The following DGKI variants were observed in gnomAD, a reference collection of about 807,000 sequenced individuals.
The protein encoded by DGKI is diacylglycerol kinase iota, also known as DAG kinase iota.
In DGKI, 55 loss-of-function variants were observed where a neutral mutation model predicts 147.5. That is an observed-to-expected ratio of 0.37 (90% CI 0.30 to 0.47). DGKI has a LOEUF of 0.47. Among genes scored for constraint, DGKI ranks in the 20% least tolerant of loss-of-function variants. The probability of loss-of-function intolerance (pLI) is 1.00; values close to 1 mark genes in which losing one functional copy is unlikely to be tolerated. For missense variants in DGKI, 1,007 were observed against 1,323.8 expected, an observed-to-expected ratio of 0.76 and a Z score of 3.71; for synonymous variants, 469 against 477.1, an observed-to-expected ratio of 0.98 and a Z score of 0.22.
chr7:137,472,249 C>CATATAATATATGTATATAT (rs1814954292), intron 23 of DGKI, among the ~76,000 whole-genome samples: 3 of 98,922 alleles, frequency 3.0e-5, no homozygotes, highest in African/African-American at 4.4e-5. Flanking sequence ...TGTATATATA[C>CATATAATATATGTATATAT]ACATAATATT....
chr7:137,701,792 T>G (rs1447186947), intron 1 of DGKI, among the ~76,000 whole-genome samples: 5 of 152,032 alleles, frequency 3.3e-5, no homozygotes, highest in Non-Finnish European at 5.9e-5. Flanking sequence ...CAACACAATC[T>G]CTATCCAAAT....
At chr7:137,603,096 G>A (rs957724003) in intron 10 of DGKI, among the ~76,000 whole-genome samples, 2 of 152,154 alleles carry the variant, frequency 1.3e-5, no homozygotes, top group Admixed American at 6.5e-5. Flanking sequence ...GATTGAACAA[G>A]ATTCATTCAT....
rs769401226 is a variant in DGKI at position 137,552,566 on chromosome 7, T to G, written c.1950A>C (p.Ala650=). 6.2e-7 allele frequency: 1 copy of G among 1,613,888 alleles called. No individual in the cohort carries two copies. The highest frequency in any genetic ancestry group is 2.2e-5 in the East Asian group (1 of 44,866). The change falls in exon 20 of 33, where the codon GCA becomes GCC. Residue 650 remains alanine (A), a splice_region_variant and synonymous_variant. Transcript: ENST00000614521. The part of the protein sequence containing the change: ...EVIGFTMASL[A]ALQVGGHGER... ...CTCCATGGCCCCCAACTTGCAGGGC[T>G]GCCTATAAAAACAAGAGTCAAAGGG...
intron 23 of DGKI, among the ~76,000 whole-genome samples, chr7:137,483,008 G>T (rs1352358077): frequency 6.6e-6 from 1 of 152,048 alleles, no homozygotes; most frequent in African/African-American, 2.4e-5. Context: ...TTGACACCAA[G>T]ATTTGACTTG....
chr7:137,768,170 A>G (rs540447664), intron 1 of DGKI, among the ~76,000 whole-genome samples: 1 of 152,352 alleles, frequency 6.6e-6, no homozygotes, highest in Admixed American at 6.5e-5. Context: ...AGATGATGGT[A>G]TTAGGTCGGT....
intron 27 of DGKI, among the ~76,000 whole-genome samples, chr7:137,457,713 G>A (rs1032784075): frequency 6.6e-6 from 1 of 152,112 alleles, no homozygotes; most frequent in African/African-American, 2.4e-5. Context: ...CATAGCATAT[G>A]GAGAGGTTGA....
chr7:137,438,131 C>A (rs1379437007), intron 28 of DGKI, among the ~76,000 whole-genome samples: 1 of 151,914 alleles, frequency 6.6e-6, no homozygotes, highest in Non-Finnish European at 1.5e-5. Flanking sequence ...AAAAAGAGCT[C>A]GAACAGATAA....
At chr7:137,433,834 G>A (rs910893029) in intron 28 of DGKI, among the ~76,000 whole-genome samples, 2 of 152,164 alleles carry the variant, frequency 1.3e-5, no homozygotes, top group Non-Finnish European at 2.9e-5. Context: ...AAGTAAACTA[G>A]GGGCCGGGCG....
At chr7:137,492,033 T>C (rs370074202) in intron 21 of DGKI, among the ~76,000 whole-genome samples, 1 of 152,168 alleles carries the variant, frequency 6.6e-6, no homozygotes, top group Admixed American at 6.5e-5. Flanking sequence ...ATGGGACATA[T>C]CTAGGACATC....
intron 1 of DGKI, among the ~76,000 whole-genome samples, chr7:137,825,697 T>C (rs768754894): frequency 2.3e-4 from 35 of 150,714 alleles, no homozygotes; most frequent in Admixed American, 2.2e-3. Context: ...CACACACACA[T>C]ACACATACAC....
chr7:137,601,225 A>T (rs1385376292), intron 10 of DGKI, among the ~76,000 whole-genome samples: 1 of 152,020 alleles, frequency 6.6e-6, no homozygotes, highest in Non-Finnish European at 1.5e-5. Context: ...GAGCCGAAAT[A>T]GCGCCACTAC....
chr7:137,493,772 A>G, intron 21 of DGKI: 1 of 702,056 alleles, frequency 1.4e-6, no homozygotes, highest in South Asian at 1.5e-5. Context: ...AAAGCCAGAG[A>G]GTCTTCTTAC....
At chr7:137,405,619 C>A (rs936099415) in intron 30 of DGKI, among the ~76,000 whole-genome samples, 12 of 152,198 alleles carry the variant, frequency 7.9e-5, no homozygotes, top group Admixed American at 6.5e-4. Flanking sequence ...GTTTCCCAAC[C>A]TTTTAAATCT....
In DGKI at chr7:137,446,340, C is replaced by T. The variant is rs922247361; in HGVS notation, c.2736-2238G>A. Among the ~76,000 whole-genome samples, 18 of 152,344 alleles carry T rather than the reference C, an allele frequency of 1.2e-4. 1 individual carries two copies. The highest frequency in any genetic ancestry group is 1.1e-3 in the Admixed American group (17 of 15,310). On this transcript the variant is annotated intron_variant, in intron 27 of 32. Coordinates refer to ENST00000614521, the MANE Select transcript of DGKI (RefSeq NM_001321708.2). ...CATGTTGAGTTTCCATGTTGAATGT[C>T]TCCCATATGCCTGGCTTTGTGGAAT...
At chr7:137,542,687 A>C (rs978654190) in intron 20 of DGKI, among the ~76,000 whole-genome samples, 1 of 152,200 alleles carries the variant, frequency 6.6e-6, no homozygotes, top group Non-Finnish European at 1.5e-5. Flanking sequence ...GGTGGTGGTT[A>C]TATGAATCTC....
chr7:137,683,974 T>A (rs2116423008), intron 2 of DGKI, among the ~76,000 whole-genome samples: 1 of 152,020 alleles, frequency 6.6e-6, no homozygotes, highest in East Asian at 1.9e-4. Context: ...TGAGACTGAA[T>A]AACACAGATA....
At chr7:137,416,673 C>A (rs185174696) in intron 28 of DGKI, among the ~76,000 whole-genome samples, 43 of 152,260 alleles carry the variant, frequency 2.8e-4, no homozygotes, top group African/African-American at 8.4e-4. Flanking sequence ...TGCTTCCCCC[C>A]CTCTGGAAAC....
intron 20 of DGKI, among the ~76,000 whole-genome samples, chr7:137,543,807 T>C (rs1817778146): frequency 6.6e-6 from 1 of 152,138 alleles, no homozygotes; most frequent in South Asian, 2.1e-4. Flanking sequence ...TAGCAAACAC[T>C]AGTGTGTGAG....
chr7:137,826,001 A>AT (rs1380364355), intron 1 of DGKI, among the ~76,000 whole-genome samples: 1 of 152,226 alleles, frequency 6.6e-6, no homozygotes, highest in East Asian at 1.9e-4. Flanking sequence ...AGTAGTCTCC[A>AT]CATTATTAAC....
Sources: allele counts gnomAD v4.1 joint callset (sites outside exome capture counted in the v4.1 genomes callset), GRCh38; gene constraint gnomAD v4.1.1; transcripts MANE v1.5; gene names NCBI Gene and HGNC (gene_info 2026-07-23, HGNC 2026-07-21).